Variants in NPAS3 observed in about 807,000 individuals in gnomAD.
NPAS3 encodes neuronal PAS domain-containing protein 3.
A neutral mutation model predicts 73.1 loss-of-function variants in NPAS3; 14 were observed. The observed-to-expected ratio is 0.19, with a 90% confidence interval of 0.13 to 0.30. The LOEUF (loss-of-function observed/expected upper bound fraction) is 0.30, where lower values mean the gene tolerates loss of function less well. NPAS3 is among the 10% of genes least tolerant of loss of function. The probability of loss-of-function intolerance (pLI) is 1.00; values close to 1 mark genes in which losing one functional copy is unlikely to be tolerated. For missense variants in NPAS3, 1,096 were observed against 1,250.0 expected (o/e 0.88, Z 1.86); for synonymous variants, 620 against 541.5 (o/e 1.14, Z -2.01).
At position 33,463,639 on chromosome 14, in the gene NPAS3, A is replaced by G. The variant is rs576112039; in HGVS notation, c.468+96371A>G. ...AACATTTCTGAAACATTCATGCATC[A>G]TTGGTATTATTTTACAAATGGATAA... is the stretch of plus-strand genomic sequence containing the variant. On this transcript the variant is annotated intron_variant, in intron 4 of 11. Coordinates refer to ENST00000356141, the Ensembl canonical transcript of NPAS3. 3.3e-5 allele frequency among the ~76,000 whole-genome samples: 5 copies of G among 152,320 alleles called. No individual in the cohort carries two copies. The East Asian group carries it at 9.6e-4, about 29-fold the overall frequency.
At chr14:33,791,931 G>A (rs1040143268) in intron 9 of NPAS3, among the ~76,000 whole-genome samples, 1 of 152,132 alleles carries the variant, frequency 6.6e-6, no homozygotes, top group African/African-American at 2.4e-5. Flanking sequence ...CAGACACAAA[G>A]CAGACAGAAT....
At chr14:33,532,711 T>A (rs1345834273) in intron 4 of NPAS3, among the ~76,000 whole-genome samples, 1 of 152,098 alleles carries the variant, frequency 6.6e-6, no homozygotes, top group African/African-American at 2.4e-5. Context: ...GGGAATAATA[T>A]GTAAAAAGTA....
chr14:33,351,476 T>C (rs2045049028), intron 3 of NPAS3, among the ~76,000 whole-genome samples: 1 of 152,246 alleles, frequency 6.6e-6, no homozygotes, highest in African/African-American at 2.4e-5. Context: ...TAGGCAGTCA[T>C]AATTTAACCA....
intron 3 of NPAS3, among the ~76,000 whole-genome samples, chr14:33,359,673 A>AC (rs1691940855): frequency 1.3e-5 from 2 of 152,238 alleles, no homozygotes; most frequent in South Asian, 4.1e-4. Context: ...GCTCAAAAAA[A>AC]ATTTTAGTGT....
intron 3 of NPAS3, among the ~76,000 whole-genome samples, chr14:33,251,169 C>G (rs1352612251): frequency 1.3e-5 from 2 of 152,110 alleles, no homozygotes; most frequent in Non-Finnish European, 2.9e-5. Flanking sequence ...AAAGAGAAAT[C>G]TGAAGCCATC....
At chr14:33,127,475 C>T (rs575020942) in intron 2 of NPAS3, among the ~76,000 whole-genome samples, 71 of 152,202 alleles carry the variant, frequency 4.7e-4, no homozygotes, top group South Asian at 3.3e-3. Context: ...AACTTGGCCA[C>T]GCTGTGTCTC....
intron 7 of NPAS3, among the ~76,000 whole-genome samples, chr14:33,752,623 A>G (rs550914885): frequency 6.6e-6 from 1 of 152,324 alleles, no homozygotes; most frequent in African/African-American, 2.4e-5. Flanking sequence ...ATAAATTTTG[A>G]TACGGTTGTA....
intron 6 of NPAS3, among the ~76,000 whole-genome samples, chr14:33,729,306 A>C (rs2061346205): frequency 6.6e-6 from 1 of 152,214 alleles, no homozygotes; most frequent in African/African-American, 2.4e-5. Context: ...TTTATCCATG[A>C]ACATGATCGT....
intron 2 of NPAS3, among the ~76,000 whole-genome samples, chr14:33,184,177 C>T (rs2045902179): frequency 6.6e-6 from 1 of 152,140 alleles, no homozygotes; most frequent in African/African-American, 2.4e-5. Context: ...TAGGGAGGGG[C>T]ACGATGCCAC....
chr14:33,776,667 G>T (rs2062831055), intron 8 of NPAS3, among the ~76,000 whole-genome samples: 1 of 146,550 alleles, frequency 6.8e-6, no homozygotes, highest in Non-Finnish European at 1.5e-5. Context: ...TTGCATATTT[G>T]ATCTGAGGAA....
intron 3 of NPAS3, among the ~76,000 whole-genome samples, chr14:33,290,562 A>G (rs977235985): frequency 2.6e-5 from 4 of 152,250 alleles, no homozygotes; most frequent in Non-Finnish European, 5.9e-5. Context: ...AATATGCCCC[A>G]GTGCATCTCA....
intron 2 of NPAS3, among the ~76,000 whole-genome samples, chr14:33,093,474 T>C (rs1162841986): frequency 6.6e-6 from 1 of 152,140 alleles, no homozygotes; most frequent in Non-Finnish European, 1.5e-5. Flanking sequence ...GAACAACAGG[T>C]GCTGGAGACG....
chr14:33,373,032 A>T (rs2046158768), intron 4 of NPAS3, among the ~76,000 whole-genome samples: 1 of 152,206 alleles, frequency 6.6e-6, no homozygotes, highest in African/African-American at 2.4e-5. Context: ...ACCAGATAGG[A>T]TATTTGTATT....
At chr14:33,443,795 G>A (rs1342032630) in intron 4 of NPAS3, among the ~76,000 whole-genome samples, 1 of 152,200 alleles carries the variant, frequency 6.6e-6, no homozygotes, top group Non-Finnish European at 1.5e-5. Context: ...CAGCCTGCTA[G>A]GTGGAAGAGA....
At chr14:33,265,658 G>A (rs1277981722) in intron 3 of NPAS3, among the ~76,000 whole-genome samples, 1 of 152,158 alleles carries the variant, frequency 6.6e-6, no homozygotes, top group Non-Finnish European at 1.5e-5. Flanking sequence ...GTGAGGTGGA[G>A]AGATTAGTAA....
intron 4 of NPAS3, among the ~76,000 whole-genome samples, chr14:33,509,974 T>G (rs2052963483): frequency 6.6e-6 from 1 of 151,944 alleles, no homozygotes; most frequent in Admixed American, 6.6e-5. Context: ...CTCCAAAGCT[T>G]TTATATCCTG....
At chr14:33,152,837 A>T (rs978833261) in intron 2 of NPAS3, among the ~76,000 whole-genome samples, 3 of 150,660 alleles carry the variant, frequency 2.0e-5, no homozygotes, top group Non-Finnish European at 1.5e-5. Context: ...GGTCTCTTTT[A>T]ATCTGGAAAT....
chr14:33,364,107 T>C (rs1450359989), intron 3 of NPAS3, among the ~76,000 whole-genome samples: 6 of 152,198 alleles, frequency 3.9e-5, no homozygotes, highest in African/African-American at 7.2e-5. Flanking sequence ...GGCTACCAGA[T>C]GGTTTTAGAA....
At chr14:33,714,251 A>G (rs1485505370) in intron 6 of NPAS3, among the ~76,000 whole-genome samples, 1 of 152,000 alleles carries the variant, frequency 6.6e-6, no homozygotes, top group East Asian at 1.9e-4. Flanking sequence ...CATCTAGCAC[A>G]CTAGATCTTT....
Sources: gnomAD v4.1 joint callset for allele counts (sites outside exome capture counted in the v4.1 genomes callset) on GRCh38, gnomAD v4.1.1 for gene constraint, MANE v1.5 for transcripts, NCBI Gene and HGNC (gene_info 2026-07-23, HGNC 2026-07-21) for gene names.